TAFA2: variants seen among roughly 807,000 people sequenced by gnomAD.
TAFA2 encodes chemokine-like protein TAFA-2.
In TAFA2, 7 loss-of-function variants were observed where a neutral mutation model predicts 18.8. The observed-to-expected ratio is 0.37, with a 90% CI of 0.21 to 0.70. The LOEUF (loss-of-function observed/expected upper bound fraction) is 0.70. TAFA2 is among the 30% of genes least tolerant of loss of function. TAFA2 has a pLI of 0.53. For synonymous variants in TAFA2, 60 were observed against 54.2 expected (o/e 1.11, Z -0.47); for missense variants, 122 against 158.1 (o/e 0.77, Z 1.23).
chr12:62,096,365 C>A (rs1433751378), intron 1 of TAFA2, among the ~76,000 whole-genome samples: 3 of 152,072 alleles, frequency 2.0e-5, no homozygotes, highest in African/African-American at 7.2e-5. Context: ...TTTAACTATA[C>A]CTGAGTCAAA....
chr12:61,841,894 C>A (rs1873199084), intron 2 of TAFA2, among the ~76,000 whole-genome samples: 1 of 151,854 alleles, frequency 6.6e-6, no homozygotes, highest in Non-Finnish European at 1.5e-5. Context: ...GTTTAAAGGT[C>A]AACTGTCTGA....
At chr12:61,876,277 C>A (rs2121253944) in intron 1 of TAFA2, among the ~76,000 whole-genome samples, 1 of 152,180 alleles carries the variant, frequency 6.6e-6, no homozygotes, top group Middle Eastern at 3.4e-3. Flanking sequence ...AGAAGAAATC[C>A]ACTTCACCTC....
chr12:61,848,321 T>C (rs1158839079), intron 2 of TAFA2, among the ~76,000 whole-genome samples: 1 of 152,226 alleles, frequency 6.6e-6, no homozygotes, highest in Non-Finnish European at 1.5e-5. Flanking sequence ...TAAGTGTTCA[T>C]TTTAAATAAT....
At chr12:62,207,058 A>T (rs953670774) in intron 1 of TAFA2, 1 of 152,206 alleles carries the variant, frequency 6.6e-6, no homozygotes, top group Non-Finnish European at 1.5e-5. Flanking sequence ...CTTCTTTAGG[A>T]AAACATACTT....
intron 1 of TAFA2, among the ~76,000 whole-genome samples, chr12:61,905,972 A>G (rs1156391527): frequency 6.6e-6 from 1 of 152,234 alleles, no homozygotes; most frequent in Non-Finnish European, 1.5e-5. Flanking sequence ...CATGTTGTTA[A>G]CATACATCTT....
At chr12:61,866,856 ACTTAT>A (rs1874374622) in intron 2 of TAFA2, among the ~76,000 whole-genome samples, 1 of 152,066 alleles carries the variant, frequency 6.6e-6, no homozygotes, top group Non-Finnish European at 1.5e-5. Context: ...GCAATCTGAA[ACTTAT>A]CTTTATTATA....
chr12:61,927,654 G>C (rs1398717724), intron 1 of TAFA2, among the ~76,000 whole-genome samples: 1 of 151,806 alleles, frequency 6.6e-6, no homozygotes, highest in Non-Finnish European at 1.5e-5. Flanking sequence ...AGAATTAGAA[G>C]AACTACTTTA....
At chr12:62,102,264 C>T (rs140477991) in intron 1 of TAFA2, among the ~76,000 whole-genome samples, 37 of 152,192 alleles carry the variant, frequency 2.4e-4, no homozygotes, top group African/African-American at 8.7e-4. Flanking sequence ...CAGGTAGAAA[C>T]TATTGCTATT....
intron 1 of TAFA2, among the ~76,000 whole-genome samples, chr12:62,068,688 T>A (rs1882553774): frequency 6.6e-6 from 1 of 152,046 alleles, no homozygotes; most frequent in African/African-American, 2.4e-5. Context: ...AAAAAACCAA[T>A]TTAGAAGATT....
chr12:61,906,044 T>C (rs1293261513), intron 1 of TAFA2, among the ~76,000 whole-genome samples: 1 of 152,212 alleles, frequency 6.6e-6, no homozygotes, highest in Admixed American at 6.5e-5. Flanking sequence ...TTCAGAGACA[T>C]GAAATTGGTC....
intron 1 of TAFA2, among the ~76,000 whole-genome samples, chr12:62,189,784 T>C (rs1488742399): frequency 6.6e-6 from 1 of 152,230 alleles, no homozygotes; most frequent in African/African-American, 2.4e-5. Flanking sequence ...ACTCTGAATG[T>C]TGATGTTTAA....
intron 1 of TAFA2, among the ~76,000 whole-genome samples, chr12:62,093,320 A>C (rs1440267465): frequency 1.3e-5 from 2 of 152,018 alleles, no homozygotes; most frequent in Non-Finnish European, 2.9e-5. Flanking sequence ...CTCTGTGTAC[A>C]TTCTGTGGGT....
Position 61,732,588 on chromosome 12 carries a change from A to C in TAFA2, c.384+21034T>G, listed in dbSNP as rs542439738. Among the ~76,000 whole-genome samples, 8 of 152,116 alleles carry C rather than the reference A, an allele frequency of 5.3e-5. No homozygotes were observed. The East Asian group carries it at 1.2e-3, about 22-fold the overall frequency. On this transcript the variant is annotated intron_variant, in intron 4 of 4. Coordinates refer to ENST00000416284, the MANE Select transcript of TAFA2 (RefSeq NM_178539.5). ...GGCATGAGAGACAATGCAGACCTCT[A>C]TTTATAAGTCCTGGAGGCCAGTGTT... is the stretch of plus-strand genomic sequence containing the variant.
intron 3 of TAFA2, among the ~76,000 whole-genome samples, chr12:61,754,575 T>C (rs901534489): frequency 6.6e-6 from 1 of 151,804 alleles, no homozygotes; most frequent in Admixed American, 6.6e-5. Flanking sequence ...TTACACATAA[T>C]CCACCTCCCA....
Position 62,042,436 on chromosome 12 carries a change from T to C in TAFA2, c.-2+148823A>G, listed in dbSNP as rs568041530. ...GTGTGTGTGTGTGTGTGTGCGCGTG[T>C]GTGTGTGTGTGTGTGACATGCATAA... is the stretch of plus-strand genomic sequence containing the variant. On this transcript the variant is annotated intron_variant, in intron 1 of 4. Coordinates refer to ENST00000416284, the MANE Select transcript of TAFA2 (RefSeq NM_178539.5). Among the ~76,000 whole-genome samples, 629 of 142,474 alleles carry C rather than the reference T, an allele frequency of 4.4e-3. 3 individuals carry two copies. The highest frequency in any genetic ancestry group is 0.028 in the East Asian group (143 of 5,114). 93.5% of individuals were successfully genotyped at this position (142,474 alleles called of 152,430 possible).
chr12:62,160,521 C>T (rs867922837), intron 1 of TAFA2, among the ~76,000 whole-genome samples: 3 of 152,164 alleles, frequency 2.0e-5, no homozygotes, highest in South Asian at 2.1e-4. Flanking sequence ...ACGGTGCCTA[C>T]GTCACAGTAA....
At chr12:62,140,053 G>C (rs1263258752) in intron 1 of TAFA2, 1 of 152,112 alleles carries the variant, frequency 6.6e-6, no homozygotes, top group Non-Finnish European at 1.5e-5. Context: ...ATACCAAAGC[G>C]GCAATGTGTA....
chr12:61,908,023 G>T (rs1876437772), intron 1 of TAFA2, among the ~76,000 whole-genome samples: 1 of 152,058 alleles, frequency 6.6e-6, no homozygotes, highest in Non-Finnish European at 1.5e-5. Context: ...TTGATTTTAT[G>T]GGCTCATAGG....
chr12:62,035,045 G>C (rs1278439974), intron 1 of TAFA2, among the ~76,000 whole-genome samples: 1 of 152,120 alleles, frequency 6.6e-6, no homozygotes, highest in East Asian at 1.9e-4. Context: ...CTACTGCATA[G>C]AACTATATAT....
Sources: allele counts gnomAD v4.1 joint callset (sites outside exome capture counted in the v4.1 genomes callset), GRCh38; gene constraint gnomAD v4.1.1; transcripts MANE v1.5; gene names NCBI Gene and HGNC (gene_info 2026-07-23, HGNC 2026-07-21).